CNTN6: variants seen among roughly 807,000 people sequenced by gnomAD.
CNTN6 encodes contactin 6.
CNTN6 carries 137 observed loss-of-function variants against 122.8 expected under a neutral mutation model. The ratio of observed to expected loss-of-function variants is 1.12; its 90% CI spans 0.97 to 1.29. The LOEUF (loss-of-function observed/expected upper bound fraction) is 1.29, where lower values mean the gene tolerates loss of function less well. CNTN6 is among the 50% of genes most tolerant of loss of function. The pLI is 0.00. For missense variants in CNTN6, 1,634 were observed against 1,223.4 expected (o/e 1.34, Z -5.01); for synonymous variants, 570 against 426.0 (o/e 1.34, Z -4.16).
At chr3:1,157,688 ACT>A (rs2093006579) in intron 2 of CNTN6, among the ~76,000 whole-genome samples, 2 of 150,472 alleles carry the variant, frequency 1.3e-5, no homozygotes, top group African/African-American at 4.9e-5. Flanking sequence ...CCATCCTTCT[ACT>A]CTCTATCTCC....
chr3:1,280,459 A>ATTTTTTT (rs71619483), intron 5 of CNTN6, among the ~76,000 whole-genome samples: 1,119 of 66,502 alleles, frequency 0.017, 217 homozygotes, highest in African/African-American at 0.036. Context: ...TGTAATACCA[A>ATTTTTTT]TTTTTTTTTT....
At chr3:1,349,837 A>G (rs1417412142) in intron 11 of CNTN6, among the ~76,000 whole-genome samples, 1 of 151,770 alleles carries the variant, frequency 6.6e-6, no homozygotes, top group Non-Finnish European at 1.5e-5. Flanking sequence ...TTAATATCTC[A>G]TTAATTAAAG....
At chr3:1,364,574 T>G (rs1707945520) in intron 12 of CNTN6, among the ~76,000 whole-genome samples, 1 of 151,854 alleles carries the variant, frequency 6.6e-6, no homozygotes, top group African/African-American at 2.4e-5. Flanking sequence ...TACATTTAAC[T>G]GCCATCCCCT....
At chr3:1,205,455 A>G (rs1444045691) in intron 2 of CNTN6, among the ~76,000 whole-genome samples, 1 of 152,146 alleles carries the variant, frequency 6.6e-6, no homozygotes, top group African/African-American at 2.4e-5. Context: ...TCAATTCCCT[A>G]GATGTTGACA....
At chr3:1,329,654 C>T (rs992587945) in intron 10 of CNTN6, 131 bp from the exon 11 acceptor site, 7 of 703,306 alleles carry the variant, frequency 1.0e-5, no homozygotes, top group Non-Finnish European at 1.6e-5. Context: ...CCAAGAACAC[C>T]TTGAGCAAAG....
intron 7 of CNTN6, among the ~76,000 whole-genome samples, chr3:1,320,635 A>G (rs752863395): frequency 1.1e-4 from 16 of 151,780 alleles, no homozygotes; most frequent in Non-Finnish European, 1.8e-4. Context: ...AATCATCTAA[A>G]AATCTATAAG....
chr3:1,246,515 G>C (rs1357025469), intron 4 of CNTN6, among the ~76,000 whole-genome samples: 1 of 152,054 alleles, frequency 6.6e-6, no homozygotes, highest in Non-Finnish European at 1.5e-5. Flanking sequence ...TCTTTTGGGA[G>C]ATCTGTGTAA....
intron 20 of CNTN6, among the ~76,000 whole-genome samples, chr3:1,387,264 C>T (rs542226623): frequency 6.6e-6 from 1 of 152,304 alleles, no homozygotes; most frequent in South Asian, 2.1e-4. Flanking sequence ...AAATTTCCTC[C>T]AGTCCACCCA....
chr3:1,108,910 T>A (rs540464327), intron 1 of CNTN6, among the ~76,000 whole-genome samples: 1 of 152,032 alleles, frequency 6.6e-6, no homozygotes, highest in Non-Finnish European at 1.5e-5. Flanking sequence ...TTAGACACTT[T>A]AAGAGAACAT....
chr3:1,178,709 T>G (rs1404560492), intron 2 of CNTN6, among the ~76,000 whole-genome samples: 2 of 152,148 alleles, frequency 1.3e-5, no homozygotes, highest in Admixed American at 6.6e-5. Context: ...ATAGGCATGT[T>G]TTTACTTCTG....
intron 1 of CNTN6, among the ~76,000 whole-genome samples, chr3:1,117,679 A>G (rs781126534): frequency 5.3e-5 from 8 of 152,126 alleles, no homozygotes; most frequent in Non-Finnish European, 7.4e-5. Flanking sequence ...TGCTCCCTGC[A>G]TCTTTGAGGT....
chr3:1,202,541 AAAAAATAAATAAATAAAT>A (rs199567488), intron 2 of CNTN6, among the ~76,000 whole-genome samples: 14,514 of 97,874 alleles, frequency 0.15, 806 homozygotes, highest in Non-Finnish European at 0.16. Flanking sequence ...ACTCCGTCTC[AAAAAATAAATAAATAAAT>A]AAATAAATAA....
At chr3:1,167,589 G>A (rs1050215682) in intron 2 of CNTN6, among the ~76,000 whole-genome samples, 1 of 94,598 alleles carries the variant, frequency 1.1e-5, no homozygotes, top group Non-Finnish European at 1.9e-5. Context: ...TCTCCCAGGT[G>A]ATTAGATATA....
chr3:1,226,026 A>T lies in CNTN6; in HGVS notation c.183-1792A>T, dbSNP rs541056244. Among the ~76,000 whole-genome samples the T allele has an allele frequency of 2.8e-3, 419 of 152,246 alleles. 1 individual carries two copies. Among genetic ancestry groups the T allele is most frequent in the African/African-American group, 9.3e-3 (388 of 41,552 alleles). ...GGATGTTTGAAGACGCGCCCGAAGA[A>T]GTCAATGACATTTGAATTAATTCTG... On this transcript the variant is annotated intron_variant, in intron 3 of 22. Coordinates refer to ENST00000446702, the MANE Select transcript of CNTN6 (RefSeq NM_001289080.2).
At chr3:1,201,935 A>G (rs774864766) in intron 2 of CNTN6, among the ~76,000 whole-genome samples, 3 of 152,228 alleles carry the variant, frequency 2.0e-5, no homozygotes, top group South Asian at 2.1e-4. Context: ...CAAATATCTT[A>G]ACAGAATTAT....
chr3:1,204,634 G>C (rs2083170173), intron 2 of CNTN6, among the ~76,000 whole-genome samples: 1 of 152,084 alleles, frequency 6.6e-6, no homozygotes, highest in African/African-American at 2.4e-5. Flanking sequence ...TCAGTTCCCA[G>C]TTTATCTCAA....
intron 2 of CNTN6, among the ~76,000 whole-genome samples, chr3:1,196,950 G>A (rs901528007): frequency 1.3e-5 from 2 of 152,136 alleles, no homozygotes; most frequent in Non-Finnish European, 2.9e-5. Context: ...TGTGGGAGAA[G>A]AAACCTGTAG....
chr3:1,349,321 T>C (rs1160924138), intron 11 of CNTN6, among the ~76,000 whole-genome samples: 1 of 151,824 alleles, frequency 6.6e-6, no homozygotes, highest in East Asian at 1.9e-4. Flanking sequence ...TTCATGCAAA[T>C]CTCTACTTTT....
chr3:1,288,100 C>T (rs1052859695), intron 5 of CNTN6, among the ~76,000 whole-genome samples: 3 of 152,132 alleles, frequency 2.0e-5, no homozygotes, highest in Admixed American at 6.5e-5. Flanking sequence ...GCTGTGTTTT[C>T]GTTCCTTCTC....
Sources: allele counts gnomAD v4.1 joint callset (sites outside exome capture counted in the v4.1 genomes callset), GRCh38; gene constraint gnomAD v4.1.1; transcripts MANE v1.5; gene names NCBI Gene and HGNC (gene_info 2026-07-23, HGNC 2026-07-21).